Variants in ADGRB1 observed in about 807,000 individuals in gnomAD.
ADGRB1 encodes the protein adhesion G protein-coupled receptor B1, also known as brain-specific angiogenesis inhibitor 1.
In ADGRB1, 36 loss-of-function variants were observed where a neutral mutation model predicts 175.7. That is an observed-to-expected ratio of 0.20 (90% CI 0.16 to 0.27). ADGRB1 has a LOEUF of 0.27. Among genes scored for constraint, ADGRB1 ranks in the 10% least tolerant of loss-of-function variants. ADGRB1 has a pLI of 1.00. For missense variants in ADGRB1, 1,731 were observed against 2,255.3 expected (o/e 0.77, Z 4.71); for synonymous variants, 1,054 against 979.4 (o/e 1.08, Z -1.42).
intron 24 of ADGRB1, among the ~76,000 whole-genome samples, chr8:142,529,334 ATGTGTT>A (rs1330867911): frequency 1.3e-5 from 2 of 151,568 alleles, no homozygotes; most frequent in African/African-American, 2.4e-5. Flanking sequence ...GTGTGTGCAG[ATGTGTT>A]TGTGTGTGTG....
chr8:142,495,780 A>T (rs1048864452), intron 17 of ADGRB1, among the ~76,000 whole-genome samples: 1 of 152,098 alleles, frequency 6.6e-6, no homozygotes, highest in African/African-American at 2.4e-5. Context: ...CCATAACTCA[A>T]TTACATCTAC....
In ADGRB1 at chr8:142,514,090, T is replaced by C. The variant is rs561468538; in HGVS notation, c.2817+3017T>C. On this transcript the variant is annotated intron_variant, in intron 18 of 30. Transcript: ENST00000517894. Reference sequence around the variant, plus strand: ...GCTGGGCAGGGAGAGAGAGGGGTGCTGCCTAGCTTAGCCTGGCTGGGGTTG... The same window carrying C: ...GCTGGGCAGGGAGAGAGAGGGGTGCCGCCTAGCTTAGCCTGGCTGGGGTTG... Among the ~76,000 whole-genome samples, 3 of 152,048 alleles carry C rather than the reference T, an allele frequency of 2.0e-5. No homozygotes were observed. The East Asian group carries it at 5.8e-4, about 29-fold the overall frequency.
chr8:142,521,672 C>T (rs940257865), intron 20 of ADGRB1, among the ~76,000 whole-genome samples: 5 of 152,178 alleles, frequency 3.3e-5, no homozygotes, highest in Non-Finnish European at 2.9e-5. Flanking sequence ...AACGCATGGG[C>T]GGGTACCTGG....
chr8:142,478,530 G>A (rs1209705419), intron 7 of ADGRB1, among the ~76,000 whole-genome samples, 170 bp downstream of exon 7: 1 of 151,390 alleles, frequency 6.6e-6, no homozygotes, highest in Non-Finnish European at 1.5e-5. Flanking sequence ...CGGAGCATGG[G>A]GTGGCTGCAG....
chr8:142,480,119 C>T (rs1031414031), intron 9 of ADGRB1, among the ~76,000 whole-genome samples: 2 of 152,204 alleles, frequency 1.3e-5, no homozygotes, highest in African/African-American at 4.8e-5. Flanking sequence ...TTGCCCGGGG[C>T]TTGCGGGGAC....
At chr8:142,451,532 G>A (rs1188267095) in intron 1 of ADGRB1, among the ~76,000 whole-genome samples, 1 of 152,102 alleles carries the variant, frequency 6.6e-6, no homozygotes, top group Non-Finnish European at 1.5e-5. Context: ...TGGGCGGGTA[G>A]GGGGCCTGCA....
intron 11 of ADGRB1, 150 bp downstream of exon 11, chr8:142,481,861 A>T (rs559743266): frequency 1.4e-6 from 1 of 722,418 alleles, no homozygotes; most frequent in Non-Finnish European, 2.2e-6. Context: ...CACACATTTA[A>T]TCTTGGTCAC....
chr8:142,495,166 G>A (rs1042277045), intron 17 of ADGRB1, among the ~76,000 whole-genome samples: 2 of 152,062 alleles, frequency 1.3e-5, no homozygotes, highest in South Asian at 2.1e-4. Context: ...CGGGGGTGTG[G>A]ATAATCTGTG....
chr8:142,482,631 C>T (rs1045080991), intron 11 of ADGRB1, among the ~76,000 whole-genome samples: 2 of 151,412 alleles, frequency 1.3e-5, no homozygotes, highest in African/African-American at 4.9e-5. Flanking sequence ...TCGTCACATG[C>T]TGAGTCCTGA....
rs773481657 is a variant in ADGRB1 at position 142,477,104 on chromosome 8, G to T, written c.1058-10G>T. 40 of 1,550,728 alleles carry T rather than the reference G, an allele frequency of 2.6e-5. No individual in the cohort carries two copies. Among genetic ancestry groups the T allele is most frequent in the Non-Finnish European group, 3.0e-5 (35 of 1,152,084 alleles). Reference sequence around the variant, plus strand: ...GCGGCAGGCCTGTGACGCTGTAGTGGGGCCTGCAGGTGACCCAGCAGCCGA... The same window carrying T: ...GCGGCAGGCCTGTGACGCTGTAGTGTGGCCTGCAGGTGACCCAGCAGCCGA... On this transcript the variant is annotated splice_polypyrimidine_tract_variant and intron_variant, in intron 4 of 30. Coordinates refer to ENST00000517894, the MANE Select transcript of ADGRB1 (RefSeq NM_001702.3).
chr8:142,510,916 T>TGCCCCCCCCCCC lies in ADGRB1; in HGVS notation c.2676-16_2676-15insGCCCCCCCCCCC. ...ACGCTCCGCCTGTCTCCCTCCCGTG[T>TGCCCCCCCCCCC]CCCGCCCGCCCCCAGACCCTCCTCC... On this transcript the variant is annotated splice_polypyrimidine_tract_variant and intron_variant, in intron 17 of 30. Coordinates refer to ENST00000517894, the MANE Select transcript of ADGRB1 (RefSeq NM_001702.3). The surrounding 1 kb of genome is among the most constrained non-coding windows in gnomAD (Gnocchi z 6.3). The TGCCCCCCCCCCC allele has an allele frequency of 2.1e-6, 2 of 969,738 alleles. No individual in the cohort carries two copies. Among genetic ancestry groups the TGCCCCCCCCCCC allele is most frequent in the Non-Finnish European group, 2.5e-6 (2 of 789,298 alleles). 60.1% of individuals were successfully genotyped at this position (969,738 alleles called of 1,614,324 possible).
intron 1 of ADGRB1, among the ~76,000 whole-genome samples, 193 bp from the exon 2 acceptor site, chr8:142,463,787 T>C (rs1291256509): frequency 6.6e-6 from 1 of 152,200 alleles, no homozygotes; most frequent in African/African-American, 2.4e-5. Flanking sequence ...GGTGGTCACA[T>C]TGGTGAGTGG....
intron 19 of ADGRB1, among the ~76,000 whole-genome samples, chr8:142,518,473 G>C (rs1434552661): frequency 6.6e-6 from 1 of 152,172 alleles, no homozygotes; most frequent in Non-Finnish European, 1.5e-5. Context: ...ACAAACACAG[G>C]GGGTGGGGCC....
rs561487287 is a variant in ADGRB1 at position 142,455,541 on chromosome 8, G to A, written c.-220+5437G>A. 3.3e-5 allele frequency among the ~76,000 whole-genome samples: 5 copies of A among 152,268 alleles called. No individual in the cohort carries two copies. The highest frequency in any genetic ancestry group is 1.9e-4 in the East Asian group (1 of 5,152). ...GCCCACCAGGCAACTGGGCTGTCCC[G>A]GCCCAGCACAGCTGAGGTCAGGAGG... is the stretch of plus-strand genomic sequence containing the variant. On this transcript the variant is annotated intron_variant, in intron 1 of 30. Coordinates refer to ENST00000517894, the MANE Select transcript of ADGRB1 (RefSeq NM_001702.3). The surrounding 1 kb of genome is among the most constrained non-coding windows in gnomAD (Gnocchi z 4.9).
At position 142,521,532 on chromosome 8, in the gene ADGRB1, C is replaced by T. The variant is rs184982431; in HGVS notation, c.3025-433C>T. 3.8e-3 allele frequency among the ~76,000 whole-genome samples: 578 copies of T among 152,370 alleles called. 2 individuals are homozygous for T. The highest frequency in any genetic ancestry group is 0.013 in the African/African-American group (530 of 41,594). Reference sequence around the variant, plus strand: ...GGGCCCGCAGTGAGACAGAGAAGGCCTGGCCCCAGGGCCTGCCATGTGCTG... The same window carrying T: ...GGGCCCGCAGTGAGACAGAGAAGGCTTGGCCCCAGGGCCTGCCATGTGCTG... On this transcript the variant is annotated intron_variant, in intron 20 of 30. Transcript: ENST00000517894.
chr8:142,521,839 G>A (rs1843868585), intron 20 of ADGRB1, 126 bp from the exon 21 acceptor site: 1 of 1,107,682 alleles, frequency 9.0e-7, no homozygotes, highest in African/African-American at 1.6e-5. Flanking sequence ...TTCTGCCTGG[G>A]GACCTGGTTG....
At chr8:142,469,447 G>A (rs998582100) in intron 2 of ADGRB1, among the ~76,000 whole-genome samples, 1 of 151,054 alleles carries the variant, frequency 6.6e-6, no homozygotes, top group African/African-American at 2.4e-5. Context: ...GTGTGTGCAC[G>A]TGCGTGAATG....
Position 142,526,595 on chromosome 8 carries a change from C to T in ADGRB1, c.3366C>T (p.Gly1122=), listed in dbSNP as rs747896347. ...TCAACAAGCTCGTGTCCAAAGACGG[C>T]ATCACGGACAAGAAGCTGAAGGAGC... is the stretch of plus-strand genomic sequence containing the variant. ...LVFNKLVSKD[G]ITDKKLKERA... The change falls in exon 24 of 31, where the codon GGC becomes GGT. Residue 1122 remains glycine, a synonymous_variant. Coordinates refer to ENST00000517894, the MANE Select transcript of ADGRB1 (RefSeq NM_001702.3). The T allele has an allele frequency of 6.2e-7, 1 of 1,611,926 alleles. No homozygotes were observed. The highest frequency in any genetic ancestry group is 1.7e-5 in the Admixed American group (1 of 59,846).
intron 18 of ADGRB1, among the ~76,000 whole-genome samples, chr8:142,515,463 G>T (rs1843364411): frequency 6.6e-6 from 1 of 152,124 alleles, no homozygotes; most frequent in Non-Finnish European, 1.5e-5. Flanking sequence ...GAGCTGGCGG[G>T]TTTGCGGCTG....
Sources: gnomAD v4.1 joint callset for allele counts (sites outside exome capture counted in the v4.1 genomes callset) on GRCh38, gnomAD v4.1.1 for gene constraint, Gnocchi (gnomAD v3.1) non-coding constraint, MANE v1.5 for transcripts, NCBI Gene and HGNC (gene_info 2026-07-23, HGNC 2026-07-21) for gene names.